The following OXSR1 variants were observed in gnomAD, a reference collection of about 807,000 sequenced individuals.
OXSR1 encodes serine/threonine-protein kinase OSR1.
In OXSR1, 24 loss-of-function variants were observed where a neutral mutation model predicts 79.8. The ratio of observed to expected loss-of-function variants is 0.30; its 90% CI spans 0.22 to 0.42. OXSR1 has a LOEUF of 0.42. OXSR1 is among the 10% of genes least tolerant of loss of function. The pLI is 1.00. For missense variants in OXSR1, 430 were observed against 618.4 expected (o/e 0.70, Z 3.23); for synonymous variants, 226 against 209.2 (o/e 1.08, Z -0.69).
chr3:38,243,034 A>G (rs1174183595), intron 12 of OXSR1, among the ~76,000 whole-genome samples: 1 of 149,150 alleles, frequency 6.7e-6, no homozygotes, highest in Non-Finnish European at 1.5e-5. Context: ...TTATTTATTT[A>G]TTTATTTATT....
At chr3:38,217,913 C>CT (rs1702516140) in intron 5 of OXSR1, among the ~76,000 whole-genome samples, 1 of 152,076 alleles carries the variant, frequency 6.6e-6, no homozygotes, top group Non-Finnish European at 1.5e-5. Flanking sequence ...TGTATAATGT[C>CT]TTTAAGGTTC....
intron 4 of OXSR1, among the ~76,000 whole-genome samples, chr3:38,205,672 A>G (rs1032278172): frequency 6.6e-6 from 1 of 152,154 alleles, no homozygotes; most frequent in Non-Finnish European, 1.5e-5. Context: ...GGTGTTGCCT[A>G]CCATGTCCAA....
chr3:38,250,270 T>C (rs1703228910), intron 15 of OXSR1: 1 of 400,490 alleles, frequency 2.5e-6, no homozygotes, highest in African/African-American at 2.1e-5. Context: ...GGCCAGGCAT[T>C]GTCTTAAGCG....
intron 1 of OXSR1, among the ~76,000 whole-genome samples, chr3:38,168,134 G>T (rs1701504016): frequency 6.6e-6 from 1 of 152,142 alleles, no homozygotes; most frequent in South Asian, 2.1e-4. Flanking sequence ...GTGGTCCATG[G>T]TTTTTAAAAG....
intron 12 of OXSR1, among the ~76,000 whole-genome samples, chr3:38,245,650 T>C (rs1184225150): frequency 2.0e-5 from 3 of 152,198 alleles, no homozygotes; most frequent in Admixed American, 2.0e-4. Flanking sequence ...TATGATTCCA[T>C]TTATATGAAA....
chr3:38,207,319 AT>A (rs2125825851), intron 4 of OXSR1, among the ~76,000 whole-genome samples: 1 of 152,344 alleles, frequency 6.6e-6, no homozygotes, highest in African/African-American at 2.4e-5. Context: ...CTGGGCATAA[AT>A]GACATCAGTC....
chr3:38,223,999 T>C (rs898340937), intron 7 of OXSR1, 86 bp downstream of exon 7: 1 of 758,512 alleles, frequency 1.3e-6, no homozygotes, highest in Non-Finnish European at 2.2e-6. Flanking sequence ...TTTTTTTTTA[T>C]TGTGGTAAAA....
Position 38,249,960 on chromosome 3 carries a change from T to C in OXSR1, c.1323-6T>C. On this transcript the variant is annotated splice_polypyrimidine_tract_variant and splice_region_variant and intron_variant, in intron 14 of 17. Transcript: ENST00000311806. ...CTTATTTTATGCATTCTGCTTTCTT[T>C]CATAGGAATTCCAAAAAAGAACTAA... 6.5e-7 allele frequency: 1 copy of C among 1,542,324 alleles called. No individual in the cohort carries two copies. Among genetic ancestry groups the C allele is most frequent in the Non-Finnish European group, 8.9e-7 (1 of 1,118,584 alleles).
At chr3:38,231,140 C>T (rs929420643) in intron 10 of OXSR1, among the ~76,000 whole-genome samples, 19 of 152,056 alleles carry the variant, frequency 1.2e-4, no homozygotes, top group Admixed American at 2.6e-4. Context: ...TATTCTCTTC[C>T]GTAGATCTCA....
At chr3:38,241,005 A>G (rs915429190) in intron 11 of OXSR1, among the ~76,000 whole-genome samples, 5 of 152,176 alleles carry the variant, frequency 3.3e-5, no homozygotes, top group African/African-American at 7.2e-5. Flanking sequence ...GGAATCATCA[A>G]TGAAGCTAAA....
chr3:38,207,816 G>A (rs747656151), intron 4 of OXSR1, among the ~76,000 whole-genome samples: 5 of 151,812 alleles, frequency 3.3e-5, no homozygotes, highest in Non-Finnish European at 5.9e-5. Context: ...GCCTTTCTTC[G>A]GGATGGTCAT....
chr3:38,206,612 A>C (rs1702267894), intron 4 of OXSR1, among the ~76,000 whole-genome samples: 1 of 152,196 alleles, frequency 6.6e-6, no homozygotes, highest in African/African-American at 2.4e-5. Context: ...AGGAAAAAGA[A>C]GATACTTTCA....
intron 8 of OXSR1, among the ~76,000 whole-genome samples, chr3:38,227,070 G>A (rs902580555): frequency 1.3e-5 from 2 of 152,178 alleles, no homozygotes; most frequent in African/African-American, 4.8e-5. Flanking sequence ...TAAGAAAACT[G>A]GAAGCTATAG....
intron 2 of OXSR1, among the ~76,000 whole-genome samples, chr3:38,188,406 A>G (rs1701923017): frequency 6.6e-6 from 1 of 152,192 alleles, no homozygotes; most frequent in African/African-American, 2.4e-5. Flanking sequence ...GAATTGCAAA[A>G]GTAGTACAGA....
At chr3:38,243,444 C>T (rs1031265021) in intron 12 of OXSR1, among the ~76,000 whole-genome samples, 3 of 152,094 alleles carry the variant, frequency 2.0e-5, no homozygotes, top group South Asian at 2.1e-4. Flanking sequence ...TTCTATTTTC[C>T]GTGGTTACTG....
At chr3:38,190,401 C>T (rs1401935687) in intron 2 of OXSR1, among the ~76,000 whole-genome samples, 2 of 152,010 alleles carry the variant, frequency 1.3e-5, no homozygotes, top group African/African-American at 2.4e-5. Flanking sequence ...GCTATAAAAC[C>T]AGATTTCCCA....
chr3:38,194,673 G>A (rs1460985754), intron 3 of OXSR1, among the ~76,000 whole-genome samples: 1 of 152,220 alleles, frequency 6.6e-6, no homozygotes, highest in Non-Finnish European at 1.5e-5. Flanking sequence ...ACAGGATGGA[G>A]TGTGTATGTC....
chr3:38,210,437 C>G (rs1702362494), intron 4 of OXSR1, among the ~76,000 whole-genome samples: 1 of 152,064 alleles, frequency 6.6e-6, no homozygotes, highest in Non-Finnish European at 1.5e-5. Flanking sequence ...GGGCATATTT[C>G]AAATTGGTTA....
upstream of OXSR1, among the ~76,000 whole-genome samples, chr3:38,164,656 T>G (rs1026450677): frequency 2.1e-4 from 32 of 152,264 alleles, 1 homozygote; most frequent in South Asian, 8.3e-4. Context: ...CCAACGCCCG[T>G]GAGACAACCC....
Sources: gnomAD v4.1 joint callset for allele counts (sites outside exome capture counted in the v4.1 genomes callset) on GRCh38, gnomAD v4.1.1 for gene constraint, MANE v1.5 for transcripts, NCBI Gene and HGNC (gene_info 2026-07-23, HGNC 2026-07-21) for gene names.